The following MACROD2 variants were observed in gnomAD, a reference collection of about 807,000 sequenced individuals.
MACROD2 encodes ADP-ribose glycohydrolase MACROD2.
In MACROD2, 36 loss-of-function variants were observed where a neutral mutation model predicts 70.4. The observed-to-expected ratio is 0.51, with a 90% confidence interval of 0.39 to 0.68. The LOEUF is 0.68. Among genes scored for constraint, MACROD2 ranks in the 30% least tolerant of loss-of-function variants. The pLI, the probability that MACROD2 is intolerant of heterozygous loss-of-function variation, is 0.00. For missense variants in MACROD2, 496 were observed against 538.4 expected (o/e 0.92, Z 0.78); for synonymous variants, 172 against 178.8 (o/e 0.96, Z 0.30).
At chr20:15,783,142 T>C (rs563068652) in intron 8 of MACROD2, among the ~76,000 whole-genome samples, 1 of 152,160 alleles carries the variant, frequency 6.6e-6, no homozygotes, top group Non-Finnish European at 1.5e-5. Flanking sequence ...GACTGACTAT[T>C]GAGGATGACA....
intron 8 of MACROD2, among the ~76,000 whole-genome samples, chr20:15,838,078 A>G (rs1292525129): frequency 1.3e-5 from 2 of 151,632 alleles, no homozygotes; most frequent in Non-Finnish European, 2.9e-5. Flanking sequence ...ATTATATTCA[A>G]TACTCCAGAG....
chr20:14,167,383 A>T (rs994384611), intron 3 of MACROD2, among the ~76,000 whole-genome samples: 2 of 151,390 alleles, frequency 1.3e-5, no homozygotes, highest in Admixed American at 6.6e-5. Context: ...ATCTTTAAAT[A>T]TTTTTTTTGT....
intron 5 of MACROD2, among the ~76,000 whole-genome samples, chr20:14,828,072 TA>T (rs2072922668): frequency 2.0e-5 from 3 of 152,108 alleles, no homozygotes; most frequent in Non-Finnish European, 4.4e-5. Context: ...AAAGATGATA[TA>T]TACCAATTAA....
chr20:14,581,078 T>C (rs78409303), intron 4 of MACROD2, among the ~76,000 whole-genome samples: 3,582 of 152,286 alleles, frequency 0.024, 60 homozygotes, highest in Admixed American at 0.037. Context: ...TATGAGACTC[T>C]TTTTGAAATC....
intron 5 of MACROD2, among the ~76,000 whole-genome samples, chr20:14,932,300 G>A (rs534500623): frequency 6.6e-6 from 1 of 152,176 alleles, no homozygotes; most frequent in South Asian, 2.1e-4. Context: ...AGGAACAGCC[G>A]TGACACTCAC....
chr20:14,980,365 T>G (rs1024925368), intron 5 of MACROD2, among the ~76,000 whole-genome samples: 1 of 152,120 alleles, frequency 6.6e-6, no homozygotes, highest in Admixed American at 6.5e-5. Context: ...TTGTCCCACC[T>G]TGGAACTCTG....
chr20:16,026,907 G>C (rs760608989), intron 15 of MACROD2, among the ~76,000 whole-genome samples: 19 of 152,136 alleles, frequency 1.2e-4, no homozygotes, highest in Non-Finnish European at 2.6e-4. Flanking sequence ...TAGCACTTTT[G>C]GTTGCATGTT....
At chr20:15,885,139 C>G (rs2064806275) in intron 9 of MACROD2, among the ~76,000 whole-genome samples, 2 of 152,058 alleles carry the variant, frequency 1.3e-5, no homozygotes, top group South Asian at 4.1e-4. Context: ...GTCAGAAGTT[C>G]AAAAGAGCAA....
intron 5 of MACROD2, among the ~76,000 whole-genome samples, chr20:15,229,260 AG>A (rs751407015): frequency 3.3e-5 from 5 of 152,232 alleles, no homozygotes; most frequent in Non-Finnish European, 7.3e-5. Context: ...GGAGTTGAAC[AG>A]TATAGATTGC....
At chr20:14,004,852 A>C (rs762758930) in intron 2 of MACROD2, among the ~76,000 whole-genome samples, 23 of 152,284 alleles carry the variant, frequency 1.5e-4, no homozygotes, top group Non-Finnish European at 4.4e-5. Flanking sequence ...ATAGGAAATG[A>C]ACAATATTTA....
intron 6 of MACROD2, among the ~76,000 whole-genome samples, chr20:15,330,888 T>G (rs2077984468): frequency 6.6e-6 from 1 of 151,624 alleles, no homozygotes; most frequent in South Asian, 2.1e-4. Flanking sequence ...CTGAAGTAAT[T>G]TCTCAGATGG....
chr20:15,694,237 G>A (rs951769305), intron 8 of MACROD2, among the ~76,000 whole-genome samples: 1 of 152,134 alleles, frequency 6.6e-6, no homozygotes, highest in African/African-American at 2.4e-5. Context: ...ACCCAGCAGT[G>A]GAATTTCTGG....
intron 3 of MACROD2, among the ~76,000 whole-genome samples, chr20:14,341,221 C>G (rs2083009442): frequency 6.6e-6 from 1 of 152,238 alleles, no homozygotes; most frequent in Admixed American, 6.5e-5. Context: ...CTATCTCCAA[C>G]TATGAAGTTC....
chr20:15,133,956 G>A (rs1420348010), intron 5 of MACROD2, among the ~76,000 whole-genome samples: 1 of 142,798 alleles, frequency 7.0e-6, no homozygotes, highest in Admixed American at 7.1e-5. Context: ...CGCAGAGGCT[G>A]GAGTGCAGTG....
intron 5 of MACROD2, among the ~76,000 whole-genome samples, chr20:14,961,550 C>T (rs1373303522): frequency 1.3e-5 from 2 of 151,972 alleles, no homozygotes; most frequent in African/African-American, 4.8e-5. Context: ...GTTTTTGAGA[C>T]AGGGTTTTGC....
chr20:14,345,087 G>C (rs1270192061), intron 3 of MACROD2, among the ~76,000 whole-genome samples: 1 of 152,166 alleles, frequency 6.6e-6, no homozygotes, highest in Admixed American at 6.5e-5. Flanking sequence ...AATGTTTGCT[G>C]CCAAAAATCC....
chr20:15,942,098 C>A lies in MACROD2; in HGVS notation c.907+4554C>A, dbSNP rs1458178601. On this transcript the variant is annotated intron_variant, in intron 12 of 17. Transcript: ENST00000684519. ...GTAGTGCAGGTGTCCTCTTTGCCAG[C>A]AGTTTTGTTTTAATGTTCTAGACAT... Among the ~76,000 whole-genome samples, 4 of 152,270 alleles carry A rather than the reference C, an allele frequency of 2.6e-5. No individual in the cohort carries two copies. The East Asian group carries it at 5.8e-4, about 22-fold the overall frequency.
At chr20:15,898,424 G>T (rs914151935) in intron 10 of MACROD2, among the ~76,000 whole-genome samples, 1 of 151,818 alleles carries the variant, frequency 6.6e-6, no homozygotes, top group African/African-American at 2.4e-5. Context: ...GGTGACATGT[G>T]CCTGTAATCC....
intron 8 of MACROD2, among the ~76,000 whole-genome samples, chr20:15,744,693 TACACAC>T (rs11467530): frequency 0.13 from 19,349 of 148,154 alleles, 1,477 homozygotes; most frequent in South Asian, 0.24. Context: ...AAACCAAGTA[TACACAC>T]ACACACACAC....
Sources: gnomAD v4.1 joint callset for allele counts (sites outside exome capture counted in the v4.1 genomes callset) on GRCh38, gnomAD v4.1.1 for gene constraint, MANE v1.5 for transcripts, NCBI Gene and HGNC (gene_info 2026-07-23, HGNC 2026-07-21) for gene names.